The following ZNF804B variants were observed in gnomAD, a reference collection of about 807,000 sequenced individuals.
The protein encoded by ZNF804B is zinc finger protein 804B.
In ZNF804B, 80 loss-of-function variants were observed where a neutral mutation model predicts 101.4. The observed-to-expected ratio is 0.79, with a 90% CI of 0.66 to 0.95. The LOEUF (loss-of-function observed/expected upper bound fraction) is 0.95, where lower values mean the gene tolerates loss of function less well. Among genes scored for constraint, ZNF804B ranks in the 40% least tolerant of loss-of-function variants. The pLI is 0.00. For missense variants in ZNF804B, 1,673 were observed against 1,561.9 expected, an observed-to-expected ratio of 1.07 and a Z score of -1.20; for synonymous variants, 622 against 558.8, an observed-to-expected ratio of 1.11 and a Z score of -1.59.
chr7:89,151,290 A>G (rs1410560966), intron 1 of ZNF804B, among the ~76,000 whole-genome samples: 1 of 152,024 alleles, frequency 6.6e-6, no homozygotes, highest in East Asian at 1.9e-4. Context: ...TCTGAACAGG[A>G]ATTGTATTGC....
At chr7:88,913,615 C>T (rs917704364) in intron 1 of ZNF804B, among the ~76,000 whole-genome samples, 3 of 152,022 alleles carry the variant, frequency 2.0e-5, no homozygotes, top group African/African-American at 4.8e-5. Context: ...AGGCTGGTCT[C>T]GAAATCCTGA....
At chr7:89,060,389 T>G (rs1789360861) in intron 1 of ZNF804B, among the ~76,000 whole-genome samples, 2 of 152,092 alleles carry the variant, frequency 1.3e-5, no homozygotes, top group African/African-American at 4.8e-5. Context: ...GGAGTCTACT[T>G]AATGGTAAAG....
At chr7:89,224,943 A>G (rs151311559) in intron 2 of ZNF804B, among the ~76,000 whole-genome samples, 4 of 152,176 alleles carry the variant, frequency 2.6e-5, no homozygotes, top group Non-Finnish European at 5.9e-5. Flanking sequence ...AAAATATATT[A>G]AAAATTCTGC....
chr7:89,077,350 CA>C (rs747230743), intron 1 of ZNF804B, among the ~76,000 whole-genome samples: 94 of 152,014 alleles, frequency 6.2e-4, no homozygotes, highest in Non-Finnish European at 7.9e-4. Context: ...AGAAGGTTGA[CA>C]TTTTTTTTTC....
chr7:89,184,670 G>A (rs1788349253), intron 1 of ZNF804B, among the ~76,000 whole-genome samples: 1 of 151,984 alleles, frequency 6.6e-6, no homozygotes, highest in Non-Finnish European at 1.5e-5. Context: ...CTATCACTCT[G>A]TGTTATCTTT....
chr7:88,974,545 T>G (rs551617966), intron 1 of ZNF804B, among the ~76,000 whole-genome samples: 2 of 151,454 alleles, frequency 1.3e-5, no homozygotes. Context: ...ATTGATAGTT[T>G]ATCTCATGTT....
intron 1 of ZNF804B, among the ~76,000 whole-genome samples, chr7:88,808,579 A>G (rs535566237): frequency 6.6e-5 from 10 of 152,172 alleles, no homozygotes; most frequent in Non-Finnish European, 1.5e-4. Context: ...TAACTCTCGC[A>G]TTATGTCTCA....
At chr7:89,127,687 T>C (rs1790493867) in intron 1 of ZNF804B, among the ~76,000 whole-genome samples, 1 of 151,646 alleles carries the variant, frequency 6.6e-6, no homozygotes, top group African/African-American at 2.4e-5. Flanking sequence ...ATAAAATATT[T>C]TGAGGTTCAC....
At chr7:89,126,722 G>T (rs866034633) in intron 1 of ZNF804B, among the ~76,000 whole-genome samples, 4 of 151,770 alleles carry the variant, frequency 2.6e-5, no homozygotes, top group African/African-American at 9.7e-5. Context: ...TAGATTCGGA[G>T]TACGGAGATT....
At chr7:88,976,383 A>G (rs1793616213) in intron 1 of ZNF804B, among the ~76,000 whole-genome samples, 1 of 151,580 alleles carries the variant, frequency 6.6e-6, no homozygotes, top group Non-Finnish European at 1.5e-5. Context: ...CCATTTATAA[A>G]GATGGAATAT....
intron 1 of ZNF804B, among the ~76,000 whole-genome samples, chr7:89,154,938 A>G (rs574919406): frequency 6.6e-6 from 1 of 152,150 alleles, no homozygotes; most frequent in Admixed American, 6.5e-5. Context: ...AATGCTTGAG[A>G]GGATGGATAC....
At chr7:89,042,956 CT>C (rs1253733889) in intron 1 of ZNF804B, among the ~76,000 whole-genome samples, 4 of 152,150 alleles carry the variant, frequency 2.6e-5, no homozygotes, top group African/African-American at 7.2e-5. Flanking sequence ...TTTAAATAAG[CT>C]ATTCTTTTTT....
intron 2 of ZNF804B, among the ~76,000 whole-genome samples, chr7:89,312,840 A>G (rs1790665300): frequency 1.3e-5 from 2 of 152,096 alleles, no homozygotes; most frequent in African/African-American, 4.8e-5. Flanking sequence ...AAAGATAATG[A>G]CATGCAAAGA....
intron 1 of ZNF804B, among the ~76,000 whole-genome samples, chr7:88,855,144 G>A (rs1343162827): frequency 2.0e-5 from 3 of 151,948 alleles, no homozygotes; most frequent in African/African-American, 7.2e-5. Flanking sequence ...GGGTCAAATG[G>A]TATTTCTAGT....
At chr7:89,299,224 A>G (rs71557047) in intron 2 of ZNF804B, among the ~76,000 whole-genome samples, 6,109 of 152,114 alleles carry the variant, frequency 0.04, 171 homozygotes, top group East Asian at 0.11. Flanking sequence ...AAGAGAATTG[A>G]TATTCAAGGA....
intron 2 of ZNF804B, among the ~76,000 whole-genome samples, chr7:89,242,257 A>C (rs1266926052): frequency 6.6e-6 from 1 of 151,170 alleles, no homozygotes; most frequent in Non-Finnish European, 1.5e-5. Flanking sequence ...TGTTGGAAAG[A>C]AGTAAGCTAT....
chr7:88,862,592 A>G (rs1315003992), intron 1 of ZNF804B, among the ~76,000 whole-genome samples: 1 of 152,194 alleles, frequency 6.6e-6, no homozygotes, highest in Non-Finnish European at 1.5e-5. Flanking sequence ...TTTGTAGATT[A>G]CTTGTAACAT....
chr7:89,088,716 C>T (rs1789841704), intron 1 of ZNF804B, among the ~76,000 whole-genome samples: 1 of 150,790 alleles, frequency 6.6e-6, no homozygotes, highest in Admixed American at 6.7e-5. Flanking sequence ...TGTCCTCTAC[C>T]TCTGGGCTTC....
intron 1 of ZNF804B, among the ~76,000 whole-genome samples, chr7:88,855,526 T>G (rs1476456393): frequency 1.3e-5 from 2 of 152,148 alleles, no homozygotes; most frequent in African/African-American, 4.8e-5. Flanking sequence ...ATGAGTAGAT[T>G]GCAAAAATTT....
Sources: gnomAD v4.1 joint callset for allele counts (sites outside exome capture counted in the v4.1 genomes callset) on GRCh38, gnomAD v4.1.1 for gene constraint, MANE v1.5 for transcripts, NCBI Gene and HGNC (gene_info 2026-07-23, HGNC 2026-07-21) for gene names.